Variants in ASTN2 observed in about 807,000 individuals in gnomAD.
ASTN2 encodes astrotactin 2, also known as astrotactin-2.
ASTN2 carries 54 observed loss-of-function variants against 139.8 expected under a neutral mutation model. That is an observed-to-expected ratio of 0.39 (90% CI 0.31 to 0.48). ASTN2 has a LOEUF of 0.48. Among genes scored for constraint, ASTN2 ranks in the 20% least tolerant of loss-of-function variants. The probability of loss-of-function intolerance (pLI) is 0.95; values close to 1 mark genes in which losing one functional copy is unlikely to be tolerated. For synonymous variants in ASTN2, 756 were observed against 719.5 expected, an observed-to-expected ratio of 1.05 and a Z score of -0.81; for missense variants, 1,565 against 1,725.1, an observed-to-expected ratio of 0.91 and a Z score of 1.64.
At chr9:117,377,686 T>C (rs890890618) in intron 1 of ASTN2, among the ~76,000 whole-genome samples, 2 of 150,902 alleles carry the variant, frequency 1.3e-5, no homozygotes, top group African/African-American at 4.9e-5. Context: ...AAAAGTTCAC[T>C]GTAGCATACT....
chr9:116,541,110 A>G (rs1268763244), intron 19 of ASTN2, among the ~76,000 whole-genome samples: 1 of 152,166 alleles, frequency 6.6e-6, no homozygotes, highest in South Asian at 2.1e-4. Flanking sequence ...AGGCTGGTAT[A>G]GTTGTAACTT....
rs550803742 is a variant in ASTN2, at chr9:116,432,247, G to C, written c.3783-6159C>G. ...AGTCACACTGAAATTTCATCTTCAG[G>C]AAGTCTTCCAGATCTTCCCAGCTAT... On this transcript the variant is annotated intron_variant, in intron 22 of 22. Coordinates refer to ENST00000313400, the MANE Select transcript of ASTN2 (RefSeq NM_001365068.1). 7.2e-5 allele frequency among the ~76,000 whole-genome samples: 11 copies of C among 152,254 alleles called. No homozygotes were observed. In the South Asian group the frequency reaches 2.3e-3, roughly 32 times the overall value.
At chr9:116,871,987 C>CAG (rs1349691480) in intron 10 of ASTN2, among the ~76,000 whole-genome samples, 2 of 152,134 alleles carry the variant, frequency 1.3e-5, no homozygotes, top group African/African-American at 4.8e-5. Context: ...CTTTTTGAGA[C>CAG]AGAGTCTCAC....
chr9:116,645,556 T>C (rs1327427184), intron 17 of ASTN2, among the ~76,000 whole-genome samples: 1 of 151,970 alleles, frequency 6.6e-6, no homozygotes, highest in Non-Finnish European at 1.5e-5. Flanking sequence ...AGGACAAAAA[T>C]ACCCCACAAA....
intron 20 of ASTN2, among the ~76,000 whole-genome samples, chr9:116,444,502 C>A (rs531099116): frequency 6.6e-6 from 1 of 152,264 alleles, no homozygotes; most frequent in South Asian, 2.1e-4. Flanking sequence ...AAAACCCACA[C>A]TCTTTGCTCT....
intron 19 of ASTN2, among the ~76,000 whole-genome samples, chr9:116,610,154 CA>C (rs1855460854): frequency 6.6e-6 from 1 of 151,962 alleles, no homozygotes; most frequent in Non-Finnish European, 1.5e-5. Context: ...AACAAAGAAA[CA>C]AACAAATATC....
intron 19 of ASTN2, among the ~76,000 whole-genome samples, chr9:116,556,020 C>T (rs1852596718): frequency 6.6e-6 from 1 of 152,204 alleles, no homozygotes; most frequent in African/African-American, 2.4e-5. Context: ...TCTTCAACAG[C>T]ACTGCATTCA....
chr9:116,466,025 A>G (rs1328541171), intron 20 of ASTN2, among the ~76,000 whole-genome samples: 1 of 152,206 alleles, frequency 6.6e-6, no homozygotes, highest in African/African-American at 2.4e-5. Context: ...ACACCTATCA[A>G]TTTATACTTT....
chr9:116,606,158 G>A (rs571155705), intron 19 of ASTN2, among the ~76,000 whole-genome samples: 1 of 152,028 alleles, frequency 6.6e-6, no homozygotes, highest in Non-Finnish European at 1.5e-5. Flanking sequence ...ATTAGCGTGC[G>A]GGGCATTCAG....
chr9:117,077,351 G>A (rs1232683549), intron 5 of ASTN2, among the ~76,000 whole-genome samples: 1 of 152,166 alleles, frequency 6.6e-6, no homozygotes, highest in African/African-American at 2.4e-5. Context: ...TTATCTGTGA[G>A]GTGAGGTGGG....
chr9:116,707,168 C>T (rs1055708966), intron 16 of ASTN2, among the ~76,000 whole-genome samples: 3 of 150,422 alleles, frequency 2.0e-5, no homozygotes, highest in African/African-American at 7.3e-5. Flanking sequence ...CACTCATGGA[C>T]GAAGACCATG....
chr9:117,364,950 AACACACACACACACACACACACAC>A (rs71379275), intron 1 of ASTN2, among the ~76,000 whole-genome samples: 2 of 121,460 alleles, frequency 1.6e-5, no homozygotes, highest in African/African-American at 6.4e-5. Context: ...CCATCTCTAC[AACACACACACACACACACACACAC>A]ACACACACAC....
chr9:117,015,038 A>C (rs531687204), intron 6 of ASTN2, among the ~76,000 whole-genome samples: 50 of 152,164 alleles, frequency 3.3e-4, no homozygotes, highest in Admixed American at 2.0e-3. Flanking sequence ...GTTGTTGTTG[A>C]AACAGCTCTA....
rs187400649 is a variant in ASTN2, at chr9:116,906,942, C to T, written c.1890-43209G>A. On this transcript the variant is annotated intron_variant, in intron 10 of 22. Coordinates refer to ENST00000313400, the MANE Select transcript of ASTN2 (RefSeq NM_001365068.1). Reference sequence around the variant, plus strand: ...CTATTAATATTTTTCTAGCTCATTTCCCTGTGTAGTATTTGTCCATTAATT... The same window carrying T: ...CTATTAATATTTTTCTAGCTCATTTTCCTGTGTAGTATTTGTCCATTAATT... 7.7e-4 allele frequency among the ~76,000 whole-genome samples: 117 copies of T among 152,188 alleles called. 1 individual carries two copies. The highest frequency in any genetic ancestry group is 1.4e-3 in the Non-Finnish European group (98 of 68,004).
At chr9:117,169,208 G>A (rs201513320) in intron 3 of ASTN2, among the ~76,000 whole-genome samples, 2 of 150,174 alleles carry the variant, frequency 1.3e-5, no homozygotes, top group Non-Finnish European at 3.0e-5. Flanking sequence ...AGAAGAAAAA[G>A]AAAAAAAAAA....
chr9:117,147,478 C>A (rs575008725), intron 3 of ASTN2, among the ~76,000 whole-genome samples: 1 of 151,402 alleles, frequency 6.6e-6, no homozygotes, highest in Non-Finnish European at 1.5e-5. Context: ...CGTTATCCAC[C>A]GTTCTCTTCC....
At chr9:116,794,694 A>T (rs931257951) in intron 13 of ASTN2, among the ~76,000 whole-genome samples, 19 of 152,192 alleles carry the variant, frequency 1.2e-4, no homozygotes, top group Non-Finnish European at 2.9e-5. Flanking sequence ...AACATGTGTC[A>T]TGGGAGAAAT....
rs370628508 is a variant in ASTN2, at chr9:116,603,810, G to A, written c.3355+14514C>T. ...ATTTTCTTCTCTTGGCGTCTCTAAC[G>A]GGAAGCTGCTACTAAGGACAAGAAT... is the stretch of plus-strand genomic sequence containing the variant. On this transcript the variant is annotated intron_variant, in intron 19 of 22. Transcript: ENST00000313400. Among the ~76,000 whole-genome samples the A allele has an allele frequency of 5.2e-4, 79 of 152,244 alleles. 1 individual carries two copies. Among genetic ancestry groups the A allele is most frequent in the African/African-American group, 1.9e-3 (78 of 41,556 alleles).
At chr9:117,019,798 A>C (rs760474945) in intron 6 of ASTN2, among the ~76,000 whole-genome samples, 21 of 152,058 alleles carry the variant, frequency 1.4e-4, no homozygotes, top group Non-Finnish European at 2.8e-4. Context: ...TTACCACCTG[A>C]AGGACTTTAT....
Sources: allele counts gnomAD v4.1 joint callset (sites outside exome capture counted in the v4.1 genomes callset), GRCh38; gene constraint gnomAD v4.1.1; transcripts MANE v1.5; gene names NCBI Gene and HGNC (gene_info 2026-07-23, HGNC 2026-07-21).